PBX3: variants seen among roughly 807,000 people sequenced by gnomAD.
PBX3 encodes the protein PBX homeobox 3.
Under a neutral mutation model 48.5 loss-of-function variants are expected in PBX3, and 14 were observed. The observed-to-expected ratio is 0.29, with a 90% CI of 0.19 to 0.45. PBX3 has a LOEUF of 0.45. PBX3 is among the 20% of genes least tolerant of loss of function. PBX3 has a pLI of 1.00. For missense variants in PBX3, 386 were observed against 546.7 expected (o/e 0.71, Z 2.93); for synonymous variants, 210 against 200.3 (o/e 1.05, Z -0.41).
chr9:125,760,119 C>T (rs935207730), intron 2 of PBX3, among the ~76,000 whole-genome samples: 5 of 152,210 alleles, frequency 3.3e-5, no homozygotes, highest in Admixed American at 6.5e-5. Context: ...GCGGTTTGTT[C>T]TGCGTTGGGA....
chr9:125,763,819 G>A (rs1421652497), intron 2 of PBX3, among the ~76,000 whole-genome samples: 1 of 152,106 alleles, frequency 6.6e-6, no homozygotes, highest in African/African-American at 2.4e-5. Context: ...GGAAAGCAGA[G>A]GTCACACAGA....
intron 5 of PBX3, 26 bp downstream of exon 5, chr9:125,935,633 T>C (rs765358782): frequency 6.2e-7 from 1 of 1,605,774 alleles, no homozygotes; most frequent in East Asian, 2.2e-5. Flanking sequence ...TGGGTCTGTC[T>C]TGTTCCCTGT....
intron 2 of PBX3, among the ~76,000 whole-genome samples, chr9:125,785,305 G>A (rs1330763291): frequency 1.3e-5 from 2 of 152,194 alleles, no homozygotes; most frequent in Non-Finnish European, 2.9e-5. Context: ...CCTGGGAGAG[G>A]AAGATTTACC....
At chr9:125,762,584 G>A (rs989401352) in intron 2 of PBX3, among the ~76,000 whole-genome samples, 3 of 152,106 alleles carry the variant, frequency 2.0e-5, no homozygotes, top group South Asian at 2.1e-4. Flanking sequence ...AGCAGAAATG[G>A]GAAAAAGACT....
chr9:125,800,201 G>C (rs1224474278), intron 2 of PBX3, among the ~76,000 whole-genome samples: 1 of 152,164 alleles, frequency 6.6e-6, no homozygotes, highest in Non-Finnish European at 1.5e-5. Context: ...AAACATCACA[G>C]ATGTCTACTG....
At chr9:125,842,441 C>T (rs1256292167) in intron 2 of PBX3, among the ~76,000 whole-genome samples, 1 of 152,082 alleles carries the variant, frequency 6.6e-6, no homozygotes, top group Non-Finnish European at 1.5e-5. Flanking sequence ...TTCAGCCTTC[C>T]GGTTAGGAGA....
intron 2 of PBX3, among the ~76,000 whole-genome samples, chr9:125,872,732 C>G (rs1840156138): frequency 6.6e-6 from 1 of 151,238 alleles, no homozygotes; most frequent in Non-Finnish European, 1.5e-5. Context: ...TGCACTCCAG[C>G]CTAGGTGAAA....
At chr9:125,819,050 A>G (rs903929504) in intron 2 of PBX3, among the ~76,000 whole-genome samples, 5 of 148,366 alleles carry the variant, frequency 3.4e-5, no homozygotes, top group Non-Finnish European at 6.0e-5. Flanking sequence ...TGGCCAGGCT[A>G]GTCTCGAACT....
intron 2 of PBX3, among the ~76,000 whole-genome samples, chr9:125,811,074 G>A (rs989683301): frequency 3.3e-5 from 5 of 152,130 alleles, no homozygotes; most frequent in Admixed American, 2.0e-4. Context: ...TGGTTCCTTA[G>A]CCTCTTTCTT....
At position 125,748,987 on chromosome 9, in the gene PBX3, C is replaced by T. The variant is rs752883043; in HGVS notation, c.274+364C>T. ...GGGAGACTGGATGCCAGGACCGAGTCCCCGGGAGAAGCATCGCCCGAACTT... is the reference window on the plus strand; with the variant it reads ...GGGAGACTGGATGCCAGGACCGAGTTCCCGGGAGAAGCATCGCCCGAACTT... On this transcript the variant is annotated intron_variant, in intron 2 of 8. Transcript: ENST00000373489. 8.7e-5 allele frequency: 17 copies of T among 194,480 alleles called. No homozygotes were observed. The South Asian group carries it at 1.3e-3, about 15-fold the overall frequency. 12.0% of individuals were successfully genotyped at this position (194,480 alleles called of 1,614,324 possible).
chr9:125,777,229 G>T (rs1440196337), intron 2 of PBX3, among the ~76,000 whole-genome samples: 8 of 152,028 alleles, frequency 5.3e-5, no homozygotes, highest in Admixed American at 3.9e-4. Flanking sequence ...GCCCAGGCTG[G>T]TTTGAACTCC....
intron 2 of PBX3, among the ~76,000 whole-genome samples, chr9:125,884,729 T>C (rs572505969): frequency 1.3e-5 from 2 of 152,252 alleles, no homozygotes; most frequent in South Asian, 4.2e-4. Flanking sequence ...AAAGAGTGTT[T>C]TATAAACAAG....
intron 2 of PBX3, among the ~76,000 whole-genome samples, chr9:125,875,835 A>G (rs139873447): frequency 6.6e-6 from 1 of 152,300 alleles, no homozygotes; most frequent in Non-Finnish European, 1.5e-5. Context: ...TTTATTGTGT[A>G]CTAACTATAT....
At chr9:125,796,592 G>A (rs1318129034) in intron 2 of PBX3, among the ~76,000 whole-genome samples, 1 of 152,222 alleles carries the variant, frequency 6.6e-6, no homozygotes, top group East Asian at 1.9e-4. Context: ...GAGGCTGTAA[G>A]GTCTAATATA....
chr9:125,898,687 TGAA>T (rs1840834293), intron 2 of PBX3, among the ~76,000 whole-genome samples: 1 of 151,832 alleles, frequency 6.6e-6, no homozygotes, highest in South Asian at 2.1e-4. Context: ...AGATATGAAG[TGAA>T]GATACAGAAT....
intron 3 of PBX3, among the ~76,000 whole-genome samples, chr9:125,917,133 G>A (rs931736053): frequency 6.6e-6 from 1 of 152,130 alleles, no homozygotes; most frequent in Non-Finnish European, 1.5e-5. Flanking sequence ...TCACTATGTA[G>A]GCAAGTACTT....
At chr9:125,774,932 C>A (rs138715518) in intron 2 of PBX3, among the ~76,000 whole-genome samples, 1 of 151,510 alleles carries the variant, frequency 6.6e-6, no homozygotes, top group African/African-American at 2.4e-5. Context: ...AGTATAGTGG[C>A]GCAACCTTAC....
intron 5 of PBX3, chr9:125,949,312 C>A (rs1169524636): frequency 6.5e-7 from 1 of 1,547,176 alleles, no homozygotes; most frequent in Non-Finnish European, 8.7e-7. Flanking sequence ...GGCCTGGCAT[C>A]TCAGGAATGT....
At chr9:125,770,140 T>C (rs921986897) in intron 2 of PBX3, among the ~76,000 whole-genome samples, 9 of 152,172 alleles carry the variant, frequency 5.9e-5, no homozygotes, top group African/African-American at 2.2e-4. Flanking sequence ...TTGCAGTGTA[T>C]TTAACATATT....
Sources: allele counts gnomAD v4.1 joint callset (sites outside exome capture counted in the v4.1 genomes callset), GRCh38; gene constraint gnomAD v4.1.1; transcripts MANE v1.5; gene names NCBI Gene and HGNC (gene_info 2026-07-23, HGNC 2026-07-21).